SV2C: variants seen among roughly 807,000 people sequenced by gnomAD.
SV2C encodes the protein synaptic vesicle glycoprotein 2C, also known as solute carrier family 22 member B3.
Under a neutral mutation model 79.7 loss-of-function variants are expected in SV2C, and 49 were observed. The ratio of observed to expected loss-of-function variants is 0.61; its 90% confidence interval spans 0.49 to 0.78. The LOEUF is 0.78. Ranked by LOEUF, SV2C falls within the 30% of genes least tolerant of loss-of-function variation. SV2C has a pLI of 0.00. For synonymous variants in SV2C, 334 were observed against 333.2 expected (o/e 1.00, Z -0.03); for missense variants, 833 against 912.9 (o/e 0.91, Z 1.13).
the SV2C span, among the ~76,000 whole-genome samples, chr5:75,987,335 G>A: frequency 6.6e-6 from 1 of 151,952 alleles, no homozygotes; most frequent in East Asian, 1.9e-4. Flanking sequence ...AGTCTGATGA[G>A]GGTGTGACTG....
rs1450733530 is a variant in SV2C at position 76,171,676 on chromosome 5, C to G, written c.581-23243C>G. On this transcript the variant is annotated intron_variant, in intron 2 of 12. Transcript: ENST00000502798. ...GGAGGGAGGTGGGGGGTCAGCCCCC[C>G]CGCCCGGCCAGCCGTGCCGTCCGGG... 3.5e-5 allele frequency among the ~76,000 whole-genome samples: 5 copies of G among 144,564 alleles called. No homozygotes were observed. The East Asian group carries it at 6.6e-4, about 19-fold the overall frequency. The allele number at this position is 144,564 out of a possible 152,430, so 94.8% of individuals were successfully genotyped here. A position where few individuals can be genotyped will look rare whatever the true frequency, so the allele number is the denominator to read the frequency against.
the SV2C span, among the ~76,000 whole-genome samples, chr5:75,902,773 A>G: frequency 6.6e-6 from 1 of 152,224 alleles, no homozygotes; most frequent in Non-Finnish European, 1.5e-5. Flanking sequence ...CATAAAGTTG[A>G]TCAACTAAAA....
At chr5:76,022,284 G>A in the SV2C span, among the ~76,000 whole-genome samples, 1 of 152,194 alleles carries the variant, frequency 6.6e-6, no homozygotes, top group Admixed American at 6.5e-5. Flanking sequence ...CTGCCCATGA[G>A]TGACAGATGC....
At chr5:75,886,413 C>T in the SV2C span, among the ~76,000 whole-genome samples, 1 of 152,166 alleles carries the variant, frequency 6.6e-6, no homozygotes, top group Non-Finnish European at 1.5e-5. Flanking sequence ...GGCCAGAGTC[C>T]TCTTCAGAGT....
At chr5:76,294,304 CTTTTTT>C (rs70979391) in intron 8 of SV2C, among the ~76,000 whole-genome samples, 2 of 129,492 alleles carry the variant, frequency 1.5e-5, no homozygotes, top group East Asian at 4.5e-4. Flanking sequence ...TTCTCTCTCT[CTTTTTT>C]TTTTTTTTTT....
At chr5:76,059,222 TG>T in the SV2C span, among the ~76,000 whole-genome samples, 5 of 152,088 alleles carry the variant, frequency 3.3e-5, no homozygotes, top group Admixed American at 6.6e-5. Flanking sequence ...TGCTGAAAGC[TG>T]GGGTAGCTGT....
the SV2C span, among the ~76,000 whole-genome samples, chr5:76,001,792 A>C: frequency 7.9e-5 from 12 of 152,228 alleles, no homozygotes; most frequent in African/African-American, 2.9e-4. Context: ...CAGCCCAGTC[A>C]TGAACCTTGT....
chr5:76,197,737 T>TAGATAGATAGATAGATAGATAGATAG (rs1554039526), intron 3 of SV2C, among the ~76,000 whole-genome samples: 8 of 2,998 alleles, frequency 2.7e-3, no homozygotes, highest in South Asian at 0.021. Context: ...TAGATAGATA[T>TAGATAGATAGATAGATAGATAGATAG]GAGACAGGAC....
chr5:76,282,134 C>T (rs972236304), intron 4 of SV2C, among the ~76,000 whole-genome samples: 2 of 152,224 alleles, frequency 1.3e-5, no homozygotes, highest in African/African-American at 4.8e-5. Flanking sequence ...AAAAGGCACA[C>T]ACACAATACC....
chr5:76,298,831 G>A lies in SV2C; in HGVS notation c.1540G>A (p.Asp514Asn). The change falls in exon 10 of 13, where the codon GAC (aspartate) becomes AAC (asparagine). Residue 514 changes from aspartate to asparagine, a missense_variant. Transcript: ENST00000502798. ...GVKFKSVTFK[D>N]SVFKSCTFED... ...CAAGTTCAAATCTGTAACTTTCAAA[G>A]ACTCTGTTTTTAAGTCCTGCACCTT... The A allele has an allele frequency of 6.2e-7, 1 of 1,613,958 alleles. No homozygotes were observed. The highest frequency in any genetic ancestry group is 8.5e-7 in the Non-Finnish European group (1 of 1,179,874).
In SV2C at chr5:76,101,597, A is replaced by T. The variant is rs539559063; in HGVS notation, c.-102+18085A>T. Among the ~76,000 whole-genome samples, 15 of 152,282 alleles carry T rather than the reference A, an allele frequency of 9.9e-5. No homozygotes were observed. The South Asian group carries it at 1.2e-3, about 13-fold the overall frequency. On this transcript the variant is annotated intron_variant, in intron 1 of 12. Coordinates refer to ENST00000502798, the MANE Select transcript of SV2C (RefSeq NM_014979.4). ...AAATGAAACTATCAGAAGAACTTTC[A>T]AACAGTACTTAAAAGCTATGAAGAC...
the SV2C span, among the ~76,000 whole-genome samples, chr5:75,980,060 TACAC>T: frequency 6.6e-6 from 1 of 152,034 alleles, no homozygotes; most frequent in Non-Finnish European, 1.5e-5. Flanking sequence ...TCCACAGAAA[TACAC>T]ACAATCAGAG....
At chr5:76,134,988 C>G (rs1357559078) in intron 2 of SV2C, among the ~76,000 whole-genome samples, 3 of 152,204 alleles carry the variant, frequency 2.0e-5, no homozygotes, top group South Asian at 2.1e-4. Context: ...AGTCTAGATA[C>G]CAAGTGTCAG....
At chr5:76,221,886 T>C (rs1055124217) in intron 4 of SV2C, among the ~76,000 whole-genome samples, 1 of 152,176 alleles carries the variant, frequency 6.6e-6, no homozygotes, top group Non-Finnish European at 1.5e-5. Flanking sequence ...AGTAGTAACA[T>C]TGGTTTTACT....
At chr5:76,132,492 G>A (rs959190779) in intron 2 of SV2C, among the ~76,000 whole-genome samples, 162 bp downstream of exon 2, 5 of 151,982 alleles carry the variant, frequency 3.3e-5, no homozygotes, top group Non-Finnish European at 5.9e-5. Context: ...CAAAATAATT[G>A]TACAGTGAAC....
chr5:76,027,530 A>G, the SV2C span, among the ~76,000 whole-genome samples: 8 of 152,148 alleles, frequency 5.3e-5, no homozygotes, highest in African/African-American at 1.7e-4. Flanking sequence ...TGTCTTGAAA[A>G]CAGGTCATGC....
chr5:75,870,166 C>T, the SV2C span, among the ~76,000 whole-genome samples: 1 of 152,004 alleles, frequency 6.6e-6, no homozygotes, highest in Non-Finnish European at 1.5e-5. Flanking sequence ...CTAAATAAGG[C>T]ACAAGGGACC....
chr5:75,995,497 T>G, the SV2C span, among the ~76,000 whole-genome samples: 1 of 152,152 alleles, frequency 6.6e-6, no homozygotes, highest in Non-Finnish European at 1.5e-5. Context: ...AAATGCAGTA[T>G]ATTAAAAATA....
chr5:76,348,508 G>A (rs374950940), intron 12 of SV2C, among the ~76,000 whole-genome samples: 40 of 152,326 alleles, frequency 2.6e-4, no homozygotes, highest in South Asian at 1.0e-3. Context: ...AAGAAACCGC[G>A]AAACTGACTT....
Sources: allele counts gnomAD v4.1 joint callset (sites outside exome capture counted in the v4.1 genomes callset), GRCh38; gene constraint gnomAD v4.1.1; transcripts MANE v1.5; gene names NCBI Gene and HGNC (gene_info 2026-07-23, HGNC 2026-07-21).